The following UBAC2 variants were observed in gnomAD, a reference collection of about 807,000 sequenced individuals.
UBAC2 encodes the protein UBA domain containing 2, also known as ubiquitin-associated domain-containing protein 2.
A neutral mutation model predicts 44.0 loss-of-function variants in UBAC2; 26 were observed. The observed-to-expected ratio is 0.59, with a 90% CI of 0.43 to 0.82. The LOEUF is 0.82. UBAC2 is among the 40% of genes least tolerant of loss of function. The pLI is 0.00. For synonymous variants in UBAC2, 155 were observed against 154.3 expected (o/e 1.00, Z -0.04); for missense variants, 329 against 419.4 (o/e 0.78, Z 1.88).
At chr13:99,266,723 C>G (rs1198138221) in intron 4 of UBAC2, among the ~76,000 whole-genome samples, 1 of 152,060 alleles carries the variant, frequency 6.6e-6, no homozygotes, top group Non-Finnish European at 1.5e-5. Flanking sequence ...ATCGTCTTAA[C>G]CATGTTTAAA....
At chr13:99,229,705 A>C (rs1428288366) in intron 1 of UBAC2, among the ~76,000 whole-genome samples, 1 of 152,206 alleles carries the variant, frequency 6.6e-6, no homozygotes, top group Non-Finnish European at 1.5e-5. Context: ...CAATGGGGAA[A>C]ATTTGGATTG....
chr13:99,356,955 G>A (rs2045194329), intron 7 of UBAC2, among the ~76,000 whole-genome samples: 1 of 152,078 alleles, frequency 6.6e-6, no homozygotes. Context: ...CCCCAGTTTT[G>A]CCACAAAGCT....
intron 4 of UBAC2, among the ~76,000 whole-genome samples, chr13:99,288,567 T>C (rs1475653956): frequency 6.6e-6 from 1 of 152,248 alleles, no homozygotes; most frequent in Non-Finnish European, 1.5e-5. Context: ...AGAGATAAAG[T>C]AGCATAGCAG....
chr13:99,345,065 T>C (rs183416472), intron 7 of UBAC2, among the ~76,000 whole-genome samples: 8 of 152,262 alleles, frequency 5.3e-5, no homozygotes, highest in Non-Finnish European at 1.0e-4. Context: ...GGGTGGAATT[T>C]GGATGGGTGG....
In UBAC2 at chr13:99,255,769, A is replaced by G. The variant is rs371398228; in HGVS notation, c.389+11145A>G. On this transcript the variant is annotated intron_variant, in intron 4 of 8. Coordinates refer to ENST00000403766, the MANE Select transcript of UBAC2 (RefSeq NM_001144072.2). ...TGCAGTGATGTTAACAAATAATCCA[A>G]TTATGAAGATACAGCTATAGAAGAC... 3.4e-5 allele frequency: 55 copies of G among 1,613,818 alleles called. No homozygotes were observed. Among genetic ancestry groups the G allele is most frequent in the Non-Finnish European group, 4.2e-5 (49 of 1,179,924 alleles).
At chr13:99,256,740 G>T (rs1227315260) in intron 4 of UBAC2, among the ~76,000 whole-genome samples, 5 of 148,614 alleles carry the variant, frequency 3.4e-5, no homozygotes, top group Admixed American at 2.7e-4. Flanking sequence ...ATTTTAAATG[G>T]AAAGGAGGTT....
chr13:99,384,763 G>A (rs538168991), intron 8 of UBAC2, among the ~76,000 whole-genome samples: 42 of 151,424 alleles, frequency 2.8e-4, no homozygotes, highest in African/African-American at 9.1e-4. Flanking sequence ...GACGCCAGGA[G>A]TGTGATGCCA....
chr13:99,339,210 A>G (rs2044847280), intron 6 of UBAC2, among the ~76,000 whole-genome samples: 1 of 152,076 alleles, frequency 6.6e-6, no homozygotes, highest in Non-Finnish European at 1.5e-5. Flanking sequence ...CTCTGCCCAA[A>G]ATGTTATTTC....
intron 4 of UBAC2, among the ~76,000 whole-genome samples, chr13:99,293,592 T>C (rs1375934948): frequency 1.3e-5 from 2 of 152,250 alleles, no homozygotes; most frequent in African/African-American, 4.8e-5. Flanking sequence ...CAGTAAGATT[T>C]GGGCTTTCAT....
chr13:99,287,643 CT>C (rs11304203), intron 4 of UBAC2, among the ~76,000 whole-genome samples: 32,521 of 94,570 alleles, frequency 0.34, 3,853 homozygotes, highest in East Asian at 0.42. Flanking sequence ...TTTTTTCTTT[CT>C]TTTTTTTTTT....
At chr13:99,264,607 G>A (rs142043053) in intron 4 of UBAC2, among the ~76,000 whole-genome samples, 6 of 152,272 alleles carry the variant, frequency 3.9e-5, no homozygotes, top group African/African-American at 1.4e-4. Context: ...TCTTAACCAT[G>A]TTAGCTCATT....
At chr13:99,257,352 A>C (rs530252971) in intron 4 of UBAC2, among the ~76,000 whole-genome samples, 6 of 152,298 alleles carry the variant, frequency 3.9e-5, no homozygotes, top group African/African-American at 1.4e-4. Context: ...AATAGTAGCA[A>C]TTATAATATA....
At chr13:99,338,047 C>CTTTTCTTTTTTTTTT (rs2044820894) in intron 6 of UBAC2, among the ~76,000 whole-genome samples, 2 of 48,852 alleles carry the variant, frequency 4.1e-5, no homozygotes, top group African/African-American at 1.4e-4. Context: ...TTCTTTTTTT[C>CTTTTCTTTTTTTTTT]TTTTTTTTTT....
intron 4 of UBAC2, among the ~76,000 whole-genome samples, chr13:99,250,249 G>A (rs11838527): frequency 1.0e-3 from 158 of 152,274 alleles, no homozygotes; most frequent in African/African-American, 3.7e-3. Context: ...GTGGTGCAAG[G>A]TAGGGGTACA....
At chr13:99,364,354 C>A (rs1179932072) in intron 7 of UBAC2, among the ~76,000 whole-genome samples, 1 of 149,016 alleles carries the variant, frequency 6.7e-6, no homozygotes, top group African/African-American at 2.5e-5. Context: ...CCTAATACAG[C>A]ACATCATACT....
chr13:99,246,037 A>G (rs923941764), intron 4 of UBAC2, among the ~76,000 whole-genome samples: 6 of 152,182 alleles, frequency 3.9e-5, no homozygotes, highest in Non-Finnish European at 5.9e-5. Context: ...TCTCCTTTTA[A>G]TTTTAAATAT....
At chr13:99,260,820 A>G (rs2043649861) in intron 4 of UBAC2, among the ~76,000 whole-genome samples, 1 of 152,186 alleles carries the variant, frequency 6.6e-6, no homozygotes, top group South Asian at 2.1e-4. Context: ...TTTCACTTGC[A>G]AAAGAGGGAT....
chr13:99,383,839 G>A (rs756081982), intron 8 of UBAC2, among the ~76,000 whole-genome samples: 4 of 152,372 alleles, frequency 2.6e-5, no homozygotes, highest in Non-Finnish European at 5.9e-5. Flanking sequence ...AGGCTTTTGG[G>A]GGAGGAGGGT....
intron 7 of UBAC2, among the ~76,000 whole-genome samples, chr13:99,357,908 A>G (rs2045210612): frequency 6.6e-6 from 1 of 152,202 alleles, no homozygotes; most frequent in African/African-American, 2.4e-5. Flanking sequence ...TCCATTTTGC[A>G]ACTGTTTCTT....
Sources: gnomAD v4.1 joint callset for allele counts (sites outside exome capture counted in the v4.1 genomes callset) on GRCh38, gnomAD v4.1.1 for gene constraint, MANE v1.5 for transcripts, NCBI Gene and HGNC (gene_info 2026-07-23, HGNC 2026-07-21) for gene names.